CDH13: variants seen among roughly 807,000 people sequenced by gnomAD.
CDH13 encodes cadherin-13.
Under a neutral mutation model 63.8 loss-of-function variants are expected in CDH13, and 24 were observed. The observed-to-expected ratio is 0.38, with a 90% CI of 0.27 to 0.53. The LOEUF (loss-of-function observed/expected upper bound fraction) is 0.53, where lower values mean the gene tolerates loss of function less well. Ranked by LOEUF, CDH13 falls within the 20% of genes least tolerant of loss-of-function variation. The pLI, the probability that CDH13 is intolerant of heterozygous loss-of-function variation, is 0.85. For missense variants in CDH13, 1,049 were observed against 903.1 expected, an observed-to-expected ratio of 1.16 and a Z score of -2.07; for synonymous variants, 503 against 355.3, an observed-to-expected ratio of 1.42 and a Z score of -4.67.
At chr16:83,297,439 G>A (rs932653731) in intron 5 of CDH13, among the ~76,000 whole-genome samples, 1 of 152,144 alleles carries the variant, frequency 6.6e-6, no homozygotes, top group Admixed American at 6.5e-5. Context: ...AAGAAGGTGT[G>A]AATAAGGGCA....
At chr16:83,217,803 A>T (rs2039586312) in intron 5 of CDH13, among the ~76,000 whole-genome samples, 1 of 152,158 alleles carries the variant, frequency 6.6e-6, no homozygotes, top group Non-Finnish European at 1.5e-5. Flanking sequence ...CTTTCCAGAG[A>T]CCAGCTTGAT....
chr16:83,392,436 G>T (rs1431331345), intron 6 of CDH13, among the ~76,000 whole-genome samples: 1 of 152,210 alleles, frequency 6.6e-6, no homozygotes, highest in Non-Finnish European at 1.5e-5. Flanking sequence ...AAGATTCTGA[G>T]TGCTATTTCA....
At chr16:82,995,040 C>G (rs1014721161) in intron 2 of CDH13, among the ~76,000 whole-genome samples, 6 of 152,158 alleles carry the variant, frequency 3.9e-5, no homozygotes, top group African/African-American at 1.4e-4. Flanking sequence ...GCACTTGGTA[C>G]AAAGAGGCAT....
intron 1 of CDH13, among the ~76,000 whole-genome samples, chr16:82,837,317 G>A (rs189006869): frequency 5.5e-4 from 83 of 152,108 alleles, no homozygotes; most frequent in Non-Finnish European, 9.3e-4. Flanking sequence ...AGGATTACGG[G>A]GAAAAGTCCA....
At chr16:82,755,520 C>G (rs944489511) in intron 1 of CDH13, among the ~76,000 whole-genome samples, 5 of 152,156 alleles carry the variant, frequency 3.3e-5, no homozygotes, top group African/African-American at 1.2e-4. Flanking sequence ...GATGATGTAT[C>G]CCCAATTTTC....
intron 4 of CDH13, among the ~76,000 whole-genome samples, chr16:83,212,157 G>A (rs978167564): frequency 2.6e-5 from 4 of 152,170 alleles, no homozygotes; most frequent in African/African-American, 9.6e-5. Context: ...CAGGAGTTGA[G>A]CACAGCATAA....
chr16:83,718,902 G>A (rs1478206965), intron 10 of CDH13, among the ~76,000 whole-genome samples: 1 of 152,186 alleles, frequency 6.6e-6, no homozygotes, highest in Non-Finnish European at 1.5e-5. Flanking sequence ...CATTGGGTGA[G>A]GGTTGCTCCT....
intron 10 of CDH13, chr16:83,721,602 A>G (rs1384376026): frequency 6.6e-6 from 1 of 152,162 alleles, no homozygotes; most frequent in East Asian, 1.9e-4. Flanking sequence ...TCTGGTCGTT[A>G]TGTACACCAC....
chr16:83,456,153 C>G (rs1056290746), intron 6 of CDH13, among the ~76,000 whole-genome samples: 4 of 152,236 alleles, frequency 2.6e-5, no homozygotes, highest in African/African-American at 9.6e-5. Context: ...GTGCCAGGCA[C>G]CACGAGCCTC....
chr16:83,778,059 A>G (rs952078792), intron 11 of CDH13, among the ~76,000 whole-genome samples: 8 of 152,244 alleles, frequency 5.3e-5, no homozygotes, highest in Non-Finnish European at 1.2e-4. Flanking sequence ...GCAAATCTGT[A>G]TACTTAAAAT....
chr16:83,738,372 G>A (rs922876732), intron 10 of CDH13, among the ~76,000 whole-genome samples: 11 of 152,366 alleles, frequency 7.2e-5, no homozygotes, highest in African/African-American at 2.6e-4. Flanking sequence ...TAGGCTGGAA[G>A]CCTCTAGGCA....
chr16:82,890,121 C>G (rs946557025), intron 2 of CDH13, among the ~76,000 whole-genome samples: 1 of 152,226 alleles, frequency 6.6e-6, no homozygotes, highest in African/African-American at 2.4e-5. Flanking sequence ...TCTAGAGACA[C>G]CAATCAGTTG....
At chr16:82,943,195 G>C (rs1173181549) in intron 2 of CDH13, among the ~76,000 whole-genome samples, 2 of 152,056 alleles carry the variant, frequency 1.3e-5, no homozygotes, top group African/African-American at 2.4e-5. Context: ...CTTCCATTCT[G>C]ATTGTCTCTG....
At chr16:83,031,921 G>A in intron 2 of CDH13, 89 bp from the exon 3 acceptor site, 2 of 1,006,468 alleles carry the variant, frequency 2.0e-6, no homozygotes, top group Admixed American at 4.2e-5. Flanking sequence ...GAAACTATGT[G>A]GTAATTCACA....
At chr16:82,816,816 GT>G (rs2037739298) in intron 1 of CDH13, among the ~76,000 whole-genome samples, 1 of 114,972 alleles carries the variant, frequency 8.7e-6, no homozygotes, top group African/African-American at 3.3e-5. Context: ...GGGGCGGGGG[GT>G]GGGGGGGAAT....
chr16:83,672,256 C>T lies in CDH13; in HGVS notation c.1284+1284C>T, dbSNP rs1370672297. On this transcript the variant is annotated intron_variant, in intron 9 of 13. Coordinates refer to ENST00000567109, the MANE Select transcript of CDH13 (RefSeq NM_001257.5). ...AGGCTGGTGGCTTATAAACCACAGA[C>T]ATCCATTTCTCACAGTTCTGGAGCT... is the stretch of plus-strand genomic sequence containing the variant. Among the ~76,000 whole-genome samples the T allele has an allele frequency of 2.0e-5, 3 of 152,072 alleles. No individual in the cohort carries two copies. The East Asian group carries it at 5.8e-4, about 29-fold the overall frequency.
At chr16:83,624,700 C>T (rs1428380095) in intron 8 of CDH13, among the ~76,000 whole-genome samples, 1 of 152,002 alleles carries the variant, frequency 6.6e-6, no homozygotes, top group Non-Finnish European at 1.5e-5. Flanking sequence ...GGGTTGGGGA[C>T]CCTTGCCCTA....
At chr16:83,562,611 A>G (rs2075728515) in intron 7 of CDH13, among the ~76,000 whole-genome samples, 1 of 152,202 alleles carries the variant, frequency 6.6e-6, no homozygotes, top group Non-Finnish European at 1.5e-5. Context: ...ATCTTAAGTG[A>G]ATAGATTGTC....
intron 10 of CDH13, among the ~76,000 whole-genome samples, chr16:83,685,172 A>G (rs1904293414): frequency 6.6e-6 from 1 of 152,222 alleles, no homozygotes; most frequent in Non-Finnish European, 1.5e-5. Flanking sequence ...AAAATTGGTC[A>G]CAGGGCCATA....
Sources: allele counts gnomAD v4.1 joint callset (sites outside exome capture counted in the v4.1 genomes callset), GRCh38; gene constraint gnomAD v4.1.1; transcripts MANE v1.5; gene names NCBI Gene and HGNC (gene_info 2026-07-23, HGNC 2026-07-21).